Variants in TMTC2 observed in about 807,000 individuals in gnomAD.
The protein encoded by TMTC2 is transmembrane O-mannosyltransferase targeting cadherins 2.
In TMTC2, 43 loss-of-function variants were observed where a neutral mutation model predicts 82.4. The observed-to-expected ratio is 0.52, with a 90% confidence interval of 0.41 to 0.67. The LOEUF (loss-of-function observed/expected upper bound fraction) is 0.67. TMTC2 is among the 30% of genes least tolerant of loss of function. The pLI, the probability that TMTC2 is intolerant of heterozygous loss-of-function variation, is 0.00. For missense variants in TMTC2, 919 were observed against 1,012.4 expected (o/e 0.91, Z 1.25); for synonymous variants, 408 against 381.9 (o/e 1.07, Z -0.80).
At chr12:82,783,802 A>C (rs2137012732) in intron 1 of TMTC2, among the ~76,000 whole-genome samples, 1 of 152,144 alleles carries the variant, frequency 6.6e-6, no homozygotes, top group South Asian at 2.1e-4. Flanking sequence ...TGGAGGAGCA[A>C]CTGGGAAGGG....
At chr12:83,130,057 C>T (rs1225622266) in intron 11 of TMTC2, among the ~76,000 whole-genome samples, 1 of 152,234 alleles carries the variant, frequency 6.6e-6, no homozygotes, top group Non-Finnish European at 1.5e-5. Context: ...AACCTCATCA[C>T]TGGGCCTCTT....
intron 1 of TMTC2, chr12:82,760,883 T>C (rs762079419): frequency 9.9e-6 from 4 of 402,868 alleles, no homozygotes; most frequent in South Asian, 6.9e-5. Flanking sequence ...TGGAACCATC[T>C]AGTTGCAGGA....
At chr12:83,076,483 G>A (rs951334470) in intron 11 of TMTC2, among the ~76,000 whole-genome samples, 1 of 152,160 alleles carries the variant, frequency 6.6e-6, no homozygotes, top group Non-Finnish European at 1.5e-5. Flanking sequence ...ATTACAGTTA[G>A]TCTCTACTCC....
At chr12:82,757,363 C>T (rs529536323) in intron 1 of TMTC2, among the ~76,000 whole-genome samples, 24 of 152,244 alleles carry the variant, frequency 1.6e-4, no homozygotes, top group African/African-American at 5.1e-4. Context: ...CTCTTTAAAA[C>T]GTTAACATTT....
At chr12:82,788,399 A>C (rs1878290480) in intron 1 of TMTC2, among the ~76,000 whole-genome samples, 2 of 152,130 alleles carry the variant, frequency 1.3e-5, no homozygotes, top group South Asian at 4.1e-4. Context: ...AGATGGCACA[A>C]ATTGACTGAA....
At chr12:82,815,374 T>C (rs1868641264) in intron 1 of TMTC2, among the ~76,000 whole-genome samples, 1 of 150,954 alleles carries the variant, frequency 6.6e-6, no homozygotes, top group South Asian at 2.1e-4. Context: ...GCAATGGTGC[T>C]ATCTCGGCTC....
At chr12:83,103,445 C>T (rs987893007) in intron 11 of TMTC2, among the ~76,000 whole-genome samples, 2 of 152,102 alleles carry the variant, frequency 1.3e-5, no homozygotes, top group African/African-American at 2.4e-5. Context: ...CAGGAGGCCT[C>T]AAGGCGCTTT....
At chr12:82,725,728 A>C (rs550738461) in intron 1 of TMTC2, among the ~76,000 whole-genome samples, 1 of 152,330 alleles carries the variant, frequency 6.6e-6, no homozygotes, top group South Asian at 2.1e-4. Flanking sequence ...GTCCAGAAAC[A>C]TGGGACAGTT....
intron 1 of TMTC2, among the ~76,000 whole-genome samples, chr12:82,718,696 G>A (rs1874016220): frequency 6.6e-6 from 1 of 152,048 alleles, no homozygotes; most frequent in South Asian, 2.1e-4. Flanking sequence ...AATTCATATG[G>A]TTCAATGGGT....
intron 11 of TMTC2, among the ~76,000 whole-genome samples, chr12:83,083,332 C>A (rs138801202): frequency 6.6e-6 from 1 of 152,236 alleles, no homozygotes; most frequent in African/African-American, 2.4e-5. Flanking sequence ...CTAAAATTGC[C>A]ATGCTTTTTC....
chr12:83,120,474 T>C (rs2137559698), intron 11 of TMTC2, among the ~76,000 whole-genome samples: 1 of 152,346 alleles, frequency 6.6e-6, no homozygotes, highest in South Asian at 2.1e-4. Context: ...AGGCTAAAGC[T>C]AGGGCCCCAA....
chr12:82,737,985 G>A (rs1368756242), intron 1 of TMTC2, among the ~76,000 whole-genome samples: 1 of 152,076 alleles, frequency 6.6e-6, no homozygotes, highest in African/African-American at 2.4e-5. Context: ...GAGTCCATTG[G>A]GGTGGCAAAA....
intron 3 of TMTC2, among the ~76,000 whole-genome samples, chr12:82,902,099 T>C (rs1414929205): frequency 6.6e-6 from 1 of 152,146 alleles, no homozygotes; most frequent in Non-Finnish European, 1.5e-5. Context: ...ATCTTTCCCT[T>C]ACGGAGTTAG....
At chr12:83,080,743 T>C (rs1419858159) in intron 11 of TMTC2, among the ~76,000 whole-genome samples, 1 of 152,200 alleles carries the variant, frequency 6.6e-6, no homozygotes, top group African/African-American at 2.4e-5. Context: ...GTCTAAAATA[T>C]AGTGATCCAA....
At chr12:82,871,883 A>G (rs1872198294) in intron 2 of TMTC2, among the ~76,000 whole-genome samples, 1 of 152,024 alleles carries the variant, frequency 6.6e-6, no homozygotes, top group South Asian at 2.1e-4. Context: ...TGTTGAGGGT[A>G]AAGTAGTGAA....
At chr12:82,689,810 A>G (rs948563215) in intron 1 of TMTC2, among the ~76,000 whole-genome samples, 1 of 152,192 alleles carries the variant, frequency 6.6e-6, no homozygotes, top group African/African-American at 2.4e-5. Context: ...ATATAGTATG[A>G]TTATTTGCCC....
intron 1 of TMTC2, among the ~76,000 whole-genome samples, chr12:82,718,993 A>G (rs1874033154): frequency 1.3e-5 from 2 of 148,796 alleles, no homozygotes; most frequent in South Asian, 2.1e-4. Context: ...CCCTTTTAAC[A>G]TATATATTCA....
intron 2 of TMTC2, among the ~76,000 whole-genome samples, chr12:82,860,632 T>C (rs1871493886): frequency 6.6e-6 from 1 of 152,202 alleles, no homozygotes; most frequent in Non-Finnish European, 1.5e-5. Flanking sequence ...TGAGCTGAAG[T>C]GTCCAGTATT....
intron 4 of TMTC2, among the ~76,000 whole-genome samples, chr12:82,947,981 G>C (rs1428144262): frequency 1.3e-5 from 2 of 152,180 alleles, no homozygotes; most frequent in African/African-American, 4.8e-5. Flanking sequence ...CTATGGCAAT[G>C]AATTGCTCCT....
Sources: allele counts gnomAD v4.1 joint callset (sites outside exome capture counted in the v4.1 genomes callset), GRCh38; gene constraint gnomAD v4.1.1; transcripts MANE v1.5; gene names NCBI Gene and HGNC (gene_info 2026-07-23, HGNC 2026-07-21).